The following CLEC10A variants were observed in gnomAD, a reference collection of about 807,000 sequenced individuals.
CLEC10A encodes the protein C-type lectin domain family 10 member A.
A neutral mutation model predicts 42.0 loss-of-function variants in CLEC10A; 38 were observed. The ratio of observed to expected loss-of-function variants is 0.90; its 90% CI spans 0.70 to 1.18. The LOEUF (loss-of-function observed/expected upper bound fraction) is 1.18. CLEC10A is among the 50% of genes most tolerant of loss of function. The probability of loss-of-function intolerance (pLI) is 0.00; values close to 1 mark genes in which losing one functional copy is unlikely to be tolerated. For synonymous variants in CLEC10A, 126 were observed against 139.9 expected (o/e 0.90, Z 0.70); for missense variants, 298 against 345.9 (o/e 0.86, Z 1.10).
chr17:7,078,524 C>T (rs1051879888), intron 2 of CLEC10A: 16 of 581,148 alleles, frequency 2.8e-5, no homozygotes, highest in Non-Finnish European at 2.8e-5. Context: ...CTCTCATCCC[C>T]ACCCCACAGA....
Position 7,076,819 on chromosome 17 carries a change from G to A in CLEC10A, c.281-15C>T. The A allele has an allele frequency of 6.2e-7, 1 of 1,613,918 alleles. No individual in the cohort carries two copies. Among genetic ancestry groups the A allele is most frequent in the Non-Finnish European group, 8.5e-7 (1 of 1,179,966 alleles). ...CAAGCTGCTGCCTGGAGGACACGGA[G>A]ACTTGGCTTAGGGGTCAACTTCCTC... On this transcript the variant is annotated splice_polypyrimidine_tract_variant and intron_variant, in intron 4 of 8. Transcript: ENST00000416562.
intron 5 of CLEC10A, among the ~76,000 whole-genome samples, chr17:7,076,455 C>A (rs1288119448): frequency 1.3e-5 from 2 of 151,722 alleles, no homozygotes; most frequent in African/African-American, 4.8e-5. Context: ...AGATTACAGG[C>A]GCCCACCACC....
In CLEC10A at chr17:7,076,824, G is replaced by T. The variant is rs770171426; in HGVS notation, c.281-20C>A. ...TGCTGCCTGGAGGACACGGAGACTTGGCTTAGGGGTCAACTTCCTCCTCCC... is the reference window on the plus strand; with the variant it reads ...TGCTGCCTGGAGGACACGGAGACTTTGCTTAGGGGTCAACTTCCTCCTCCC... On this transcript the variant is annotated intron_variant, in intron 4 of 8. Coordinates refer to ENST00000416562, the MANE Select transcript of CLEC10A (RefSeq NM_001330070.2). The T allele has an allele frequency of 1.2e-6, 2 of 1,613,916 alleles. No homozygotes were observed. Among genetic ancestry groups the T allele is most frequent in the Non-Finnish European group, 1.7e-6 (2 of 1,179,966 alleles).
At chr17:7,077,421 C>T (rs1258388513) in intron 3 of CLEC10A, among the ~76,000 whole-genome samples, 1 of 132,156 alleles carries the variant, frequency 7.6e-6, no homozygotes. Context: ...CCCATCAGTG[C>T]TCCCATCACC....
intron 1 of CLEC10A, among the ~76,000 whole-genome samples, chr17:7,079,449 G>A (rs984862777): frequency 2.0e-5 from 3 of 152,082 alleles, no homozygotes; most frequent in East Asian, 1.9e-4. Flanking sequence ...TGGGTGTGGT[G>A]GTGTGCGCCT....
chr17:7,077,705 C>CT lies in CLEC10A; in HGVS notation c.184+291_184+292insA, dbSNP rs5819135. 6.0e-3 allele frequency among the ~76,000 whole-genome samples: 244 copies of CT among 40,418 alleles called. 3 individuals are homozygous for CT. Among genetic ancestry groups the CT allele is most frequent in the Admixed American group, 9.3e-3 (46 of 4,946 alleles). The allele number at this position is 40,418 out of a possible 152,430, so 26.5% of individuals were successfully genotyped here. A position where few individuals can be genotyped will look rare whatever the true frequency, so the allele number is the denominator to read the frequency against. Reference sequence around the variant, plus strand: ...CCCCATCAATCACTCCATCAGTGCCCCCCTACCGTTACCATCAATCACTCC... The same window carrying CT: ...CCCCATCAATCACTCCATCAGTGCCCTCCCTACCGTTACCATCAATCACTCC... On this transcript the variant is annotated intron_variant, in intron 3 of 8. Transcript: ENST00000416562.
rs770766017 is a variant in CLEC10A, at chr17:7,076,683, C to T, written c.352+50G>A. ...CACCAGGAGTCTGTTCCCACCTCCA[C>T]TGTGTCTGAGCGCCTAGCCCCCCAC... On this transcript the variant is annotated intron_variant, in intron 5 of 8. Transcript: ENST00000416562. The T allele has an allele frequency of 1.2e-5, 19 of 1,594,796 alleles. No homozygotes were observed. In the Admixed American group the frequency reaches 3.0e-4, roughly 25 times the overall value.
At chr17:7,077,712 C>T (rs920288537) in intron 3 of CLEC10A, among the ~76,000 whole-genome samples, 2 of 148,978 alleles carry the variant, frequency 1.3e-5, no homozygotes, top group East Asian at 2.0e-4. Context: ...GCCCCCCTAC[C>T]GTTACCATCA....
chr17:7,075,880 T>C lies in CLEC10A; in HGVS notation c.445A>G (p.Thr149Ala), dbSNP rs955585888. ...QVATLNNNASTEGTCCPVNWV... is the reference protein window; with the variant it reads ...QVATLNNNASAEGTCCPVNWV... ...TTGACAGGGCAGCAGGTCCCTTCAG[T>C]GGAGGCTGATTGGGGAGAAATAGGA... Residue 149 changes from threonine to alanine, a missense_variant, in exon 7 of 9, where the codon ACT (threonine) becomes GCT (alanine). By Grantham distance (58) the Thr-to-Ala change is moderately conservative (BLOSUM62 0). This residue lies in a region of CLEC10A where 267 missense variants were observed against 289.5 expected (regional missense o/e 0.92). Coordinates refer to ENST00000416562, the MANE Select transcript of CLEC10A (RefSeq NM_001330070.2). The C allele has an allele frequency of 1.2e-6, 2 of 1,605,742 alleles. No homozygotes were observed. The highest frequency in any genetic ancestry group is 1.7e-5 in the Admixed American group (1 of 59,362).
intron 3 of CLEC10A, among the ~76,000 whole-genome samples, chr17:7,077,447 T>C (rs1388291602): frequency 9.6e-6 from 1 of 103,690 alleles, no homozygotes; most frequent in Non-Finnish European, 1.9e-5. Context: ...CATCGATCAC[T>C]GCATCAGTGC....
chr17:7,078,807 T>A lies in CLEC10A; in HGVS notation c.6A>T (p.Thr2=). 6.2e-6 allele frequency: 10 copies of A among 1,614,124 alleles called. No homozygotes were observed. Among genetic ancestry groups the A allele is most frequent in the Non-Finnish European group, 7.6e-6 (9 of 1,180,040 alleles). M[T]RTYENFQYLE... ...AGTACTGGAAGTTTTCATACGTCCT[T>A]GTCATGCTTGGGCCAACACGGCTCT... Residue 2 remains threonine (T), a synonymous_variant, in exon 2 of 9, where the codon ACA becomes ACT. Coordinates refer to ENST00000416562, the MANE Select transcript of CLEC10A (RefSeq NM_001330070.2).
chr17:7,077,061 A>C (rs914360334), intron 3 of CLEC10A, 74 bp from the exon 4 acceptor site: 2 of 1,059,604 alleles, frequency 1.9e-6, no homozygotes, highest in Non-Finnish European at 2.9e-6. Flanking sequence ...AGGGCCCTCC[A>C]TAAGCATTGC....
At position 7,076,091 on chromosome 17, in the gene CLEC10A, G is replaced by A; in HGVS notation, c.353-20C>T. On this transcript the variant is annotated intron_variant, in intron 5 of 8. Transcript: ENST00000416562. ...AATGAACTGGGACACACACAGATGG[G>A]CAGTGGGGACAGTGGCCTAGGTGTG... 1 of 1,614,128 alleles carries A rather than the reference G, an allele frequency of 6.2e-7. No individual in the cohort carries two copies. Among genetic ancestry groups the A allele is most frequent in the Non-Finnish European group, 8.5e-7 (1 of 1,180,024 alleles).
At chr17:7,076,202 C>A in intron 5 of CLEC10A, 131 bp from the exon 6 acceptor site, 2 of 1,564,598 alleles carry the variant, frequency 1.3e-6, no homozygotes, top group South Asian at 2.4e-5. Context: ...CACCCACCCC[C>A]TACATCATGG....
chr17:7,074,979 T>A lies in CLEC10A; in HGVS notation c.*75A>T. 7.9e-7 allele frequency: 1 copy of A among 1,259,980 alleles called. No homozygotes were observed. The allele number at this position is 1,259,980 out of a possible 1,614,324, so 78.1% of individuals were successfully genotyped here. ...AGTGCTTATTTCTCTCCCAGAGCGG[T>A]CTTGCGAGGAGGTCGTGAGAAGAGT... is the stretch of plus-strand genomic sequence containing the variant. On this transcript the variant is annotated 3_prime_UTR_variant, in exon 9 of 9. Transcript: ENST00000416562.
chr17:7,075,402 G>A lies in CLEC10A; in HGVS notation c.659C>T (p.Ala220Val). Residue 220 changes from alanine (A) to valine (V), a missense_variant, in exon 8 of 9, where the codon GCC (alanine) becomes GTC (valine). By Grantham distance (64) the Ala-to-Val change is moderately conservative (BLOSUM62 0). This residue lies in a region of CLEC10A where 267 missense variants were observed against 289.5 expected (regional missense o/e 0.92). Transcript: ENST00000416562. Reference sequence around the variant, plus strand: ...GTCTGTTCCATCCACCCACTTCCAGGCTCCTTCAGGGTCACTGAGGCCCAT... The same window carrying A: ...GTCTGTTCCATCCACCCACTTCCAGACTCCTTCAGGGTCACTGAGGCCCAT... Reference protein sequence around the residue: ...TWMGLSDPEGAWKWVDGTDYA... With the variant: ...TWMGLSDPEGVWKWVDGTDYA... 4 of 1,520,544 alleles carry A rather than the reference G, an allele frequency of 2.6e-6. No homozygotes were observed. Among genetic ancestry groups the A allele is most frequent in the Non-Finnish European group, 2.6e-6 (3 of 1,137,244 alleles). 94.2% of individuals were successfully genotyped at this position (1,520,544 alleles called of 1,614,324 possible).
At chr17:7,078,195 T>C in intron 2 of CLEC10A, 82 bp from the exon 3 acceptor site, 1 of 1,048,814 alleles carries the variant, frequency 9.5e-7, no homozygotes, top group Non-Finnish European at 1.4e-6. Flanking sequence ...AGCTGTCTAG[T>C]GAGGAGGGCT....
intron 7 of CLEC10A, 48 bp from the exon 8 acceptor site, chr17:7,075,514 TC>T: frequency 6.8e-7 from 1 of 1,472,546 alleles, no homozygotes; most frequent in Middle Eastern, 1.8e-4. Context: ...CCCAGCCAAC[TC>T]CTTAAACTAG....
In CLEC10A at chr17:7,075,842, G is replaced by C; in HGVS notation, c.483C>G (p.His161Gln). The change falls in exon 7 of 9, where the codon CAC becomes CAG. Residue 161 changes from histidine to glutamine, a missense_variant. His to Gln is a conservative substitution (Grantham distance 24, BLOSUM62 0). Transcript: ENST00000416562. ...GAGAGAACCAGTAGCAGCTGTCTTGGTGCTCCACCCAGTTGACAGGGCAGC... is the reference window on the plus strand; with the variant it reads ...GAGAGAACCAGTAGCAGCTGTCTTGCTGCTCCACCCAGTTGACAGGGCAGC... The part of the protein sequence containing the change: ...GTCCPVNWVE[H>Q]QDSCYWFSHS... 1 of 1,614,118 alleles carries C rather than the reference G, an allele frequency of 6.2e-7. No individual in the cohort carries two copies. The highest frequency in any genetic ancestry group is 1.1e-5 in the South Asian group (1 of 91,084).
Sources: allele counts gnomAD v4.1 joint callset (sites outside exome capture counted in the v4.1 genomes callset), GRCh38; gene constraint gnomAD v4.1.1; regional missense constraint gnomAD v4.1.1; transcripts MANE v1.5; gene names NCBI Gene and HGNC (gene_info 2026-07-23, HGNC 2026-07-21).